Variants in DHX35 observed in about 807,000 individuals in gnomAD.
The protein encoded by DHX35 is probable ATP-dependent RNA helicase DHX35.
DHX35 carries 84 observed loss-of-function variants against 99.6 expected under a neutral mutation model. The ratio of observed to expected loss-of-function variants is 0.84; its 90% CI spans 0.71 to 1.01. The LOEUF is 1.01. Ranked by LOEUF, DHX35 falls within the 50% of genes least tolerant of loss-of-function variation. DHX35 has a pLI of 0.00. For synonymous variants in DHX35, 331 were observed against 316.2 expected, an observed-to-expected ratio of 1.05 and a Z score of -0.50; for missense variants, 852 against 888.5, an observed-to-expected ratio of 0.96 and a Z score of 0.52.
intron 3 of DHX35, among the ~76,000 whole-genome samples, chr20:38,973,828 A>G (rs551170009): frequency 5.9e-5 from 9 of 152,348 alleles, no homozygotes; most frequent in Middle Eastern, 3.4e-3. Context: ...CAGAGACCCT[A>G]CGATCCTCAA....
At chr20:39,033,406 G>C (rs752263855) in intron 20 of DHX35, among the ~76,000 whole-genome samples, 4 of 152,138 alleles carry the variant, frequency 2.6e-5, no homozygotes, top group Non-Finnish European at 1.5e-5. Flanking sequence ...TGGGGAAATA[G>C]AGCCAGCCTG....
chr20:38,980,153 G>A (rs1202013978), intron 3 of DHX35, among the ~76,000 whole-genome samples: 1 of 152,026 alleles, frequency 6.6e-6, no homozygotes. Flanking sequence ...ACAGGGTATT[G>A]AGGTGACTAG....
Position 39,002,864 on chromosome 20 carries a change from G to C in DHX35, c.848G>C (p.Gly283Ala). ...GGAGACGTTTTAGCATTTCTTACTG[G>C]CCAGGTAATGCCACTGTACTTCTCT... is the stretch of plus-strand genomic sequence containing the variant. ...GDGDVLAFLT[G>A]QEEVETVVSM... Residue 283 changes from glycine (G) to alanine (A), a missense_variant, in exon 10 of 22, where the codon GGC becomes GCC. Physicochemically the swap from Gly to Ala is moderately conservative, Grantham distance 60. Transcript: ENST00000252011. The C allele has an allele frequency of 2.5e-6, 4 of 1,613,576 alleles. No homozygotes were observed. Among genetic ancestry groups the C allele is most frequent in the Non-Finnish European group, 3.4e-6 (4 of 1,179,524 alleles).
intron 4 of DHX35, among the ~76,000 whole-genome samples, chr20:38,986,321 C>T (rs757850076): frequency 6.6e-6 from 1 of 151,278 alleles, no homozygotes; most frequent in Non-Finnish European, 1.5e-5. Flanking sequence ...ATTAAAAAGC[C>T]AAGAGAATAT....
intron 2 of DHX35, among the ~76,000 whole-genome samples, chr20:38,970,637 A>G (rs1354671098): frequency 1.3e-5 from 2 of 152,214 alleles, no homozygotes; most frequent in African/African-American, 2.4e-5. Context: ...TCTGTGATGT[A>G]GGACTACAGG....
chr20:39,035,054 C>T (rs1388169144), intron 21 of DHX35, among the ~76,000 whole-genome samples: 1 of 151,926 alleles, frequency 6.6e-6, no homozygotes, highest in Non-Finnish European at 1.5e-5. Context: ...GCCACCATGC[C>T]ACCAGTTCGT....
Position 38,969,064 on chromosome 20 carries a change from AAAC to A in DHX35, c.41-15_41-13del. 7 of 1,575,124 alleles carry A rather than the reference AAAC, an allele frequency of 4.4e-6. No homozygotes were observed. The highest frequency in any genetic ancestry group is 6.0e-6 in the Non-Finnish European group (7 of 1,161,224). On this transcript the variant is annotated splice_polypyrimidine_tract_variant and intron_variant, in intron 1 of 21. Coordinates refer to ENST00000252011, the MANE Select transcript of DHX35 (RefSeq NM_021931.4). ...CATTGTATCAGAGAATCTGAAAAAA[AAAC>A]ATTTCTGCTGCAGGTACAGAGGGGC... is the stretch of plus-strand genomic sequence containing the variant.
chr20:38,964,482 G>A (rs1364010766), intron 1 of DHX35, among the ~76,000 whole-genome samples: 1 of 151,926 alleles, frequency 6.6e-6, no homozygotes, highest in Non-Finnish European at 1.5e-5. Context: ...CCAGGCTGGA[G>A]TGCAGTGGCG....
intron 13 of DHX35, among the ~76,000 whole-genome samples, chr20:39,012,924 C>T (rs191904597): frequency 4.7e-4 from 72 of 152,162 alleles, no homozygotes; most frequent in Non-Finnish European, 7.9e-4. Flanking sequence ...CATGTTATAC[C>T]GTTTCTGTCC....
At chr20:39,036,443 C>T (rs555613044) in intron 21 of DHX35, among the ~76,000 whole-genome samples, 5 of 151,994 alleles carry the variant, frequency 3.3e-5, no homozygotes, top group South Asian at 2.1e-4. Context: ...TCACCTAGTG[C>T]GGCCGAGCAC....
chr20:39,037,868 A>G (rs984786676), intron 21 of DHX35, among the ~76,000 whole-genome samples: 4 of 152,184 alleles, frequency 2.6e-5, no homozygotes, highest in South Asian at 4.1e-4. Flanking sequence ...TCTGATGCCT[A>G]TGATTAGAAT....
At chr20:38,965,729 G>A (rs2085900523) in intron 1 of DHX35, among the ~76,000 whole-genome samples, 1 of 152,152 alleles carries the variant, frequency 6.6e-6, no homozygotes, top group Admixed American at 6.6e-5. Context: ...GGTACCTTAA[G>A]ATACCCATTT....
chr20:38,973,860 C>T (rs529199254), intron 3 of DHX35, among the ~76,000 whole-genome samples: 1 of 152,316 alleles, frequency 6.6e-6, no homozygotes, highest in Non-Finnish European at 1.5e-5. Context: ...TACCATCTGG[C>T]CCTTTACAGA....
intron 6 of DHX35, 50 bp from the exon 7 acceptor site, chr20:38,992,306 G>A (rs1212905165): frequency 6.7e-7 from 1 of 1,502,752 alleles, no homozygotes; most frequent in Non-Finnish European, 9.3e-7. Context: ...TAGATGAGAT[G>A]ATGTGTGGCT....
intron 3 of DHX35, among the ~76,000 whole-genome samples, chr20:38,978,586 T>C (rs1568719543): frequency 6.6e-6 from 1 of 152,240 alleles, no homozygotes. Flanking sequence ...ATATTCTAGA[T>C]ATTAACTCTT....
chr20:39,011,645 T>G (rs1311137216), intron 13 of DHX35, among the ~76,000 whole-genome samples: 1 of 152,254 alleles, frequency 6.6e-6, no homozygotes, highest in Non-Finnish European at 1.5e-5. Context: ...CCGGCCTCTT[T>G]GGTTATTCTT....
chr20:39,000,642 C>G (rs2086503379), intron 8 of DHX35, among the ~76,000 whole-genome samples: 1 of 152,190 alleles, frequency 6.6e-6, no homozygotes, highest in Non-Finnish European at 1.5e-5. Flanking sequence ...CTCAGAGCCC[C>G]TTCACTTAGC....
At chr20:39,007,486 C>G (rs2086638247) in intron 12 of DHX35, among the ~76,000 whole-genome samples, 1 of 152,226 alleles carries the variant, frequency 6.6e-6, no homozygotes, top group Non-Finnish European at 1.5e-5. Flanking sequence ...CCTTATCTTT[C>G]AAATCCTCTC....
chr20:39,030,412 C>T, intron 19 of DHX35: 3 of 364,168 alleles, frequency 8.2e-6, no homozygotes, highest in South Asian at 8.5e-5. Context: ...GAAAGAGCAC[C>T]TGCAGAAGAT....
Sources: allele counts gnomAD v4.1 joint callset (sites outside exome capture counted in the v4.1 genomes callset), GRCh38; gene constraint gnomAD v4.1.1; transcripts MANE v1.5; gene names NCBI Gene and HGNC (gene_info 2026-07-23, HGNC 2026-07-21).